Variants in POC1B observed in about 807,000 individuals in gnomAD.
POC1B encodes the protein POC1 centriolar protein homolog B.
In POC1B, 44 loss-of-function variants were observed where a neutral mutation model predicts 60.6. That is an observed-to-expected ratio of 0.73 (90% CI 0.57 to 0.93). The LOEUF (loss-of-function observed/expected upper bound fraction) is 0.93, where lower values mean the gene tolerates loss of function less well. Among genes scored for constraint, POC1B ranks in the 40% least tolerant of loss-of-function variants. POC1B has a pLI of 0.00. For synonymous variants in POC1B, 180 were observed against 198.9 expected (o/e 0.90, Z 0.80); for missense variants, 555 against 572.3 (o/e 0.97, Z 0.31).
chr12:89,441,031 T>G (rs1472727359), intron 10 of POC1B, among the ~76,000 whole-genome samples: 1 of 152,218 alleles, frequency 6.6e-6, no homozygotes, highest in Non-Finnish European at 1.5e-5. Flanking sequence ...CACAGCAGTC[T>G]GAGATCGAAC....
intron 11 of POC1B, among the ~76,000 whole-genome samples, chr12:89,422,642 G>A (rs756541796): frequency 7.9e-5 from 12 of 152,192 alleles, no homozygotes; most frequent in Non-Finnish European, 1.5e-4. Flanking sequence ...GTGACTCAAT[G>A]TCTATATCTA....
rs1258226804 is a variant in POC1B at position 89,525,195 on chromosome 12, C to T, written c.25G>A (p.Val9Ile). The T allele has an allele frequency of 1.2e-6, 2 of 1,609,402 alleles. No individual in the cohort carries two copies. Among genetic ancestry groups the T allele is most frequent in the South Asian group, 2.2e-5 (2 of 90,956 alleles). ...TGGCCTTTGAAATAACGCTCCAGAA[C>T]GGGGTCCTCCTGGAAAGGAAAGTTG... MASATEDP[V>I]LERYFKGHKA... The change falls in exon 2 of 12, where the codon GTT (valine) becomes ATT (isoleucine). Residue 9 changes from valine to isoleucine, a missense_variant. Physicochemically the swap from Val to Ile is conservative, Grantham distance 29 (BLOSUM62 3). Transcript: ENST00000313546.
At chr12:89,432,525 C>A (rs1416944132) in intron 10 of POC1B, among the ~76,000 whole-genome samples, 5 of 151,690 alleles carry the variant, frequency 3.3e-5, no homozygotes, top group Non-Finnish European at 1.5e-5. Flanking sequence ...GTTCTGCCTA[C>A]CTCAAGGAGT....
At position 89,518,364 on chromosome 12, in the gene POC1B, A is replaced by G. The variant is rs1324740382; in HGVS notation, c.100+6756T>C. On this transcript the variant is annotated intron_variant, in intron 2 of 11. Transcript: ENST00000313546. Reference sequence around the variant, plus strand: ...TCTTAATTCTGCAAATTACACAATGATTCAAGTATTATTAATACTAAATAC... The same window carrying G: ...TCTTAATTCTGCAAATTACACAATGGTTCAAGTATTATTAATACTAAATAC... Among the ~76,000 whole-genome samples the G allele has an allele frequency of 3.3e-5, 5 of 152,344 alleles. No individual in the cohort carries two copies. The South Asian group carries it at 6.2e-4, about 19-fold the overall frequency.
At chr12:89,448,445 G>A (rs1881883099) in intron 10 of POC1B, among the ~76,000 whole-genome samples, 1 of 152,118 alleles carries the variant, frequency 6.6e-6, no homozygotes, top group Non-Finnish European at 1.5e-5. Flanking sequence ...CACCAGAACG[G>A]CAATAACACC....
chr12:89,419,231 G>A (rs1880428832), downstream of POC1B, among the ~76,000 whole-genome samples: 1 of 151,972 alleles, frequency 6.6e-6, no homozygotes, highest in Admixed American at 6.6e-5. Flanking sequence ...AGTTCCAAGT[G>A]GAGACGCTGA....
At chr12:89,472,612 A>C in intron 4 of POC1B, 1 of 178,370 alleles carries the variant, frequency 5.6e-6, no homozygotes. Flanking sequence ...TTTTAAAAGA[A>C]CTCTCTTCTA....
chr12:89,523,678 T>G, intron 2 of POC1B: 1 of 1,539,724 alleles, frequency 6.5e-7, no homozygotes, highest in Middle Eastern at 1.8e-4. Flanking sequence ...CCTTTCCTGT[T>G]TGGGGACAGA....
At chr12:89,434,925 C>G (rs1398278600) in intron 10 of POC1B, among the ~76,000 whole-genome samples, 1 of 152,076 alleles carries the variant, frequency 6.6e-6, no homozygotes, top group Non-Finnish European at 1.5e-5. Context: ...TTTCAGGCAG[C>G]TGAGTGAAAA....
chr12:89,451,278 A>C (rs1304977161), intron 10 of POC1B, among the ~76,000 whole-genome samples: 1 of 152,252 alleles, frequency 6.6e-6, no homozygotes, highest in Non-Finnish European at 1.5e-5. Flanking sequence ...AGGCCCACCA[A>C]AATTCTGTAG....
At chr12:89,516,442 C>T (rs2135764639) in intron 2 of POC1B, among the ~76,000 whole-genome samples, 1 of 152,260 alleles carries the variant, frequency 6.6e-6, no homozygotes, top group Admixed American at 6.5e-5. Flanking sequence ...GACCATTATC[C>T]TAGTTTGAAC....
intron 3 of POC1B, among the ~76,000 whole-genome samples, chr12:89,494,224 T>A (rs1174214758): frequency 6.6e-6 from 1 of 152,090 alleles, no homozygotes; most frequent in Admixed American, 6.5e-5. Flanking sequence ...TTTTTATTTT[T>A]ATTTTTTATA....
chr12:89,420,280 T>C lies in POC1B; in HGVS notation c.*873A>G, dbSNP rs1032984882. The stretch of plus-strand genomic sequence containing the variant: ...TGCAAAAATTTTAAAAAGTACTTAC[T>C]ATTTAGCTGCCCAAATCACCCTAAG... On this transcript the variant is annotated 3_prime_UTR_variant, in exon 12 of 12. Coordinates refer to ENST00000313546, the MANE Select transcript of POC1B (RefSeq NM_172240.3). 10 of 152,172 alleles carry C rather than the reference T, an allele frequency of 6.6e-5. No individual in the cohort carries two copies. The highest frequency in any genetic ancestry group is 2.4e-4 in the African/African-American group (10 of 41,398). The allele number at this position is 152,172 out of a possible 1,614,324, so 9.4% of individuals were successfully genotyped here. A position where few individuals can be genotyped will look rare whatever the true frequency, so the allele number is the denominator to read the frequency against.
intron 2 of POC1B, among the ~76,000 whole-genome samples, chr12:89,508,424 A>G (rs1273487155): frequency 1.3e-5 from 2 of 152,100 alleles, no homozygotes; most frequent in Non-Finnish European, 2.9e-5. Flanking sequence ...ATGTTTGTTA[A>G]TTTTATTAGA....
rs955338768 is a variant in POC1B at position 89,467,687 on chromosome 12, T to C, written c.811-2A>G. ...AAATGAAACAGTAAAGACAGGTCCC[T>C]GAGAAATAAAGGGAAATAAAGAAAA... On this transcript the variant is annotated splice_acceptor_variant, in intron 7 of 11. Coordinates refer to ENST00000313546, the MANE Select transcript of POC1B (RefSeq NM_172240.3). LOFTEE classifies it high-confidence loss of function. 12 of 1,608,150 alleles carry C rather than the reference T, an allele frequency of 7.5e-6. No individual in the cohort carries two copies. Among genetic ancestry groups the C allele is most frequent in the Non-Finnish European group, 1.0e-5 (12 of 1,175,858 alleles).
intron 2 of POC1B, among the ~76,000 whole-genome samples, chr12:89,499,673 A>G (rs1237001457): frequency 6.6e-6 from 1 of 152,266 alleles, no homozygotes; most frequent in Non-Finnish European, 1.5e-5. Flanking sequence ...AAAGAAATAA[A>G]AAATAAAACA....
At chr12:89,456,213 G>C (rs1168484995) in intron 10 of POC1B, among the ~76,000 whole-genome samples, 1 of 152,138 alleles carries the variant, frequency 6.6e-6, no homozygotes, top group South Asian at 2.1e-4. Context: ...TAGAGGAGGG[G>C]TTTTGTCACA....
intron 3 of POC1B, among the ~76,000 whole-genome samples, chr12:89,492,940 C>T (rs556717261): frequency 6.6e-6 from 1 of 152,050 alleles, no homozygotes; most frequent in Admixed American, 6.5e-5. Flanking sequence ...ATCTTTTGTC[C>T]CCTGCCAGTC....
At position 89,421,250 on chromosome 12, in the gene POC1B, G is replaced by C; in HGVS notation, c.1340C>G (p.Ser447Ter). 1 of 1,592,122 alleles carries C rather than the reference G, an allele frequency of 6.3e-7. No homozygotes were observed. The highest frequency in any genetic ancestry group is 8.6e-7 in the Non-Finnish European group (1 of 1,163,820). The stretch of plus-strand genomic sequence containing the variant: ...CAAAGTCAGTCGCTGCTCCAAGATT[G>C]AAACAGTCTGCAAAAAGGAGGATAA... Reference protein sequence around the residue: ...EQLNVLTQTVSILEQRLTLTE... With the variant: ...EQLNVLTQTV The change falls in exon 12 of 12, where the codon TCA (serine) becomes TGA (stop). Residue 447 changes from serine to a stop codon, truncating the protein, a stop_gained. Transcript: ENST00000313546. LOFTEE classifies it high-confidence loss of function.
Sources: gnomAD v4.1 joint callset for allele counts (sites outside exome capture counted in the v4.1 genomes callset) on GRCh38, gnomAD v4.1.1 for gene constraint, MANE v1.5 for transcripts, NCBI Gene and HGNC (gene_info 2026-07-23, HGNC 2026-07-21) for gene names.